The following COL4A5 variants were observed in gnomAD, a reference collection of about 807,000 sequenced individuals.
The protein encoded by COL4A5 is collagen type IV alpha 5 chain, also known as collagen alpha-5(IV) chain.
COL4A5 carries 26 observed loss-of-function variants against 130.2 expected under a neutral mutation model. That is an observed-to-expected ratio of 0.20 (90% confidence interval 0.15 to 0.28). The LOEUF is 0.28. Among genes scored for constraint, COL4A5 ranks in the 10% least tolerant of loss-of-function variants. COL4A5 has a pLI of 1.00. For synonymous variants in COL4A5, 496 were observed against 439.6 expected (o/e 1.13, Z -1.60); for missense variants, 1,131 against 1,344.3 (o/e 0.84, Z 2.48).
intron 1 of COL4A5, among the ~76,000 whole-genome samples, chrX:108,514,781 C>G (rs1407443760): frequency 6.3e-5 from 7 of 111,957 alleles, no homozygotes; most frequent in African/African-American, 2.3e-4. Flanking sequence ...TTCACACCTC[C>G]TCTTTTATCA....
intron 16 of COL4A5, among the ~76,000 whole-genome samples, chrX:108,581,499 T>C (rs1282219439): frequency 1.8e-5 from 2 of 111,530 alleles, no homozygotes; most frequent in Admixed American, 1.9e-4. Flanking sequence ...TCAAGAACAC[T>C]TCCATCACCT....
chrX:108,453,507 T>C (rs1190396140), intron 1 of COL4A5, among the ~76,000 whole-genome samples: 2 of 111,896 alleles, frequency 1.8e-5, no homozygotes, highest in Non-Finnish European at 3.8e-5. Context: ...TTAATGGGTT[T>C]ATTGCCACTT....
At chrX:108,585,803 C>A (rs897374259) in intron 18 of COL4A5, among the ~76,000 whole-genome samples, 1 of 110,794 alleles carries the variant, frequency 9.0e-6, no homozygotes, top group African/African-American at 3.3e-5. Flanking sequence ...TGGGTTTAAT[C>A]AATAAAGAAC....
At chrX:108,669,306 G>A (rs948557776) in intron 41 of COL4A5, among the ~76,000 whole-genome samples, 5 of 112,263 alleles carry the variant, frequency 4.5e-5, no homozygotes, top group African/African-American at 1.6e-4. Flanking sequence ...TGAAAACTTG[G>A]AAGTAAATGT....
chrX:108,685,068 A>C lies in COL4A5; in HGVS notation c.4217-963A>C, dbSNP rs896589379. Among the ~76,000 whole-genome samples the C allele has an allele frequency of 2.7e-5, 3 of 112,120 alleles. 1 individual carries two copies. The highest frequency in any genetic ancestry group is 9.8e-5 in the African/African-American group (3 of 30,766). ...AAATTCAACAGCCCTTCATGCTAAA[A>C]ACTCTCAATAAAGTAGGTATTGATG... is the stretch of plus-strand genomic sequence containing the variant. On this transcript the variant is annotated intron_variant, in intron 47 of 52. Transcript: ENST00000328300.
chrX:108,580,654 C>G (rs773833983), intron 14 of COL4A5, 28 bp from the exon 15 acceptor site: 3 of 1,201,986 alleles, frequency 2.5e-6, no homozygotes, highest in Non-Finnish European at 3.4e-6. Flanking sequence ...TCCCATGAAC[C>G]ATTGTGAAAC....
At position 108,530,761 on chromosome X, in the gene COL4A5, C is replaced by T. The variant is rs369865562; in HGVS notation, c.82-8985C>T. Among the ~76,000 whole-genome samples, 662 of 100,412 alleles carry T rather than the reference C, an allele frequency of 6.6e-3. 4 individuals carry two copies. The highest frequency in any genetic ancestry group is 0.034 in the East Asian group (106 of 3,115). 87.2% of individuals were successfully genotyped at this position (100,412 alleles called of 115,157 possible). ...GAACACTTTTACACTGTTGGTGGGA[C>T]TGTAAACTAGTTCAACCATTGTGGA... On this transcript the variant is annotated intron_variant, in intron 1 of 52. Coordinates refer to ENST00000328300, the MANE Select transcript of COL4A5 (RefSeq NM_033380.3).
chrX:108,575,434 C>T (rs1425764169), intron 9 of COL4A5, among the ~76,000 whole-genome samples: 1 of 112,469 alleles, frequency 8.9e-6, no homozygotes, highest in African/African-American at 3.2e-5. Context: ...ATTACTTAAT[C>T]CTTTTATCCC....
intron 36 of COL4A5, among the ~76,000 whole-genome samples, chrX:108,652,008 A>G (rs1448411700): frequency 8.9e-6 from 1 of 111,869 alleles, no homozygotes; most frequent in Admixed American, 9.5e-5. Context: ...CAGATCTGTT[A>G]TACAATATGG....
chrX:108,612,536 C>T (rs971412406), intron 29 of COL4A5, among the ~76,000 whole-genome samples: 6 of 111,350 alleles, frequency 5.4e-5, no homozygotes, highest in African/African-American at 2.0e-4. Flanking sequence ...TAAACAAAAA[C>T]AGTATAATTT....
At chrX:108,494,053 AG>A (rs1231572529) in intron 1 of COL4A5, among the ~76,000 whole-genome samples, 3 of 111,892 alleles carry the variant, frequency 2.7e-5, no homozygotes, top group Admixed American at 1.9e-4. Context: ...CAACTATTTA[AG>A]TCTACAATAC....
intron 1 of COL4A5, among the ~76,000 whole-genome samples, chrX:108,457,375 T>A (rs2147482391): frequency 8.9e-6 from 1 of 112,023 alleles, no homozygotes; most frequent in South Asian, 3.7e-4. Context: ...ATGGGTGAAT[T>A]TTACAGTATG....
chrX:108,645,630 G>A (rs1353693883), intron 36 of COL4A5, among the ~76,000 whole-genome samples: 1 of 108,017 alleles, frequency 9.3e-6, no homozygotes, highest in Non-Finnish European at 1.9e-5. Flanking sequence ...TGCACAATGT[G>A]CAGGTTTGTT....
intron 42 of COL4A5, among the ~76,000 whole-genome samples, chrX:108,673,180 T>A (rs776667181): frequency 8.9e-6 from 1 of 112,046 alleles, no homozygotes; most frequent in East Asian, 2.8e-4. Context: ...ATTTTACAAC[T>A]TGAATTTGAT....
chrX:108,476,543 T>C (rs59653454), intron 1 of COL4A5, among the ~76,000 whole-genome samples: 55 of 73,123 alleles, frequency 7.5e-4, no homozygotes, highest in African/African-American at 2.6e-3. Flanking sequence ...TTTTTTTTTT[T>C]ACCTATTAAC....
At chrX:108,478,245 A>C (rs2064856571) in intron 1 of COL4A5, among the ~76,000 whole-genome samples, 1 of 111,632 alleles carries the variant, frequency 9.0e-6, no homozygotes, top group Admixed American at 9.5e-5. Flanking sequence ...GGAGGGGCCC[A>C]AAGTGTCCAG....
Position 108,470,839 on chromosome X carries a change from A to T in COL4A5, c.81+30633A>T, listed in dbSNP as rs1361877005. On this transcript the variant is annotated intron_variant, in intron 1 of 52. Coordinates refer to ENST00000328300, the MANE Select transcript of COL4A5 (RefSeq NM_033380.3). ...TTTTCATATATGGTGAGAGGTAGGG[A>T]TTGAGTTTCATTTTTCTTCATATGG... is the stretch of plus-strand genomic sequence containing the variant. 9.9e-5 allele frequency among the ~76,000 whole-genome samples: 11 copies of T among 111,464 alleles called. No homozygotes were observed. In the Admixed American group the frequency reaches 1.1e-3, roughly 11 times the overall value.
At position 108,526,645 on chromosome X, in the gene COL4A5, TTTCTTTCTTTCTTTC is replaced by T. The variant is rs1326553164; in HGVS notation, c.82-13088_82-13074del. ...CTTTCTTTCTTTCTTTCTTTCTTTCTTTCTTTCTTTCTTTCTTCTTTCTTTCTCTTTCTTTCTTTC... is the reference window on the plus strand; with the variant it reads ...CTTTCTTTCTTTCTTTCTTTCTTTCTTTCTTTCTTTCTCTTTCTTTCTTTC... On this transcript the variant is annotated intron_variant, in intron 1 of 52. Transcript: ENST00000328300. Among the ~76,000 whole-genome samples the T allele has an allele frequency of 5.5e-3, 375 of 68,225 alleles. 7 individuals carry two copies. The highest frequency in any genetic ancestry group is 0.027 in the African/African-American group (338 of 12,678). 59.2% of individuals were successfully genotyped at this position (68,225 alleles called of 115,157 possible).
At chrX:108,471,660 A>T (rs112780263) in intron 1 of COL4A5, among the ~76,000 whole-genome samples, 6,429 of 111,154 alleles carry the variant, frequency 0.058, 217 homozygotes, top group East Asian at 0.16. Flanking sequence ...TCTGCCTAGG[A>T]CTTCAGTACT....
Sources: allele counts gnomAD v4.1 joint callset (sites outside exome capture counted in the v4.1 genomes callset), GRCh38; gene constraint gnomAD v4.1.1; transcripts MANE v1.5; gene names NCBI Gene and HGNC (gene_info 2026-07-23, HGNC 2026-07-21).